POLN: variants seen among roughly 807,000 people sequenced by gnomAD.
The protein encoded by POLN is DNA polymerase nu.
Under a neutral mutation model 113.5 loss-of-function variants are expected in POLN, and 108 were observed. The ratio of observed to expected loss-of-function variants is 0.95; its 90% CI spans 0.81 to 1.12. POLN has a LOEUF of 1.12. Ranked by LOEUF, POLN falls within the 50% of genes most tolerant of loss-of-function variation. The pLI is 0.00. For synonymous variants in POLN, 386 were observed against 391.5 expected (o/e 0.99, Z 0.17); for missense variants, 1,097 against 1,077.1 (o/e 1.02, Z -0.26).
Position 2,095,867 on chromosome 4 carries a change from C to T in POLN, c.2049G>A (p.Ala683=), listed in dbSNP as rs140530058. 90 of 1,613,982 alleles carry T rather than the reference C, an allele frequency of 5.6e-5. No individual in the cohort carries two copies. Among genetic ancestry groups the T allele is most frequent in the South Asian group, 1.4e-4 (13 of 91,086 alleles). ...DREQTKKVVY[A]VVYGAGKERL... is the part of the protein sequence containing the mutation. ...GCAGCCTACCTGCTCCATAGACCAC[C>T]GCGTACACCACCTTCTTGGTTTGCT... The change falls in exon 20 of 26, where the codon GCG becomes GCA. Residue 683 remains alanine (A), a synonymous_variant. Coordinates refer to ENST00000511885, the MANE Select transcript of POLN (RefSeq NM_181808.4).
At chr4:2,118,611 G>C (rs1208128405) in intron 19 of POLN, among the ~76,000 whole-genome samples, 1 of 152,178 alleles carries the variant, frequency 6.6e-6, no homozygotes, top group East Asian at 1.9e-4. Flanking sequence ...CATTTACCAA[G>C]TGCCATCCTT....
intron 16 of POLN, among the ~76,000 whole-genome samples, chr4:2,143,061 T>C (rs754251394): frequency 2.6e-5 from 4 of 152,094 alleles, no homozygotes; most frequent in Middle Eastern, 3.2e-3. Context: ...TGTCAAAATG[T>C]ATGGGTTAAA....
At chr4:2,226,736 T>C (rs1734404191) in intron 3 of POLN, among the ~76,000 whole-genome samples, 2 of 152,210 alleles carry the variant, frequency 1.3e-5, no homozygotes, top group Admixed American at 1.3e-4. Flanking sequence ...TGACTTAGTG[T>C]TTGTAAAAGT....
chr4:2,178,020 C>T (rs1360524739), intron 8 of POLN, among the ~76,000 whole-genome samples: 1 of 152,238 alleles, frequency 6.6e-6, no homozygotes, highest in East Asian at 1.9e-4. Flanking sequence ...TCTGATAAAT[C>T]TCTTTTTATA....
At chr4:2,157,603 A>T (rs1293369445) in intron 15 of POLN, among the ~76,000 whole-genome samples, 2 of 151,724 alleles carry the variant, frequency 1.3e-5, no homozygotes, top group African/African-American at 4.8e-5. Context: ...GACACCTGTA[A>T]TCCCAGCTAC....
intron 16 of POLN, among the ~76,000 whole-genome samples, chr4:2,148,670 CCCA>C (rs796897343): frequency 0.054 from 3,359 of 62,716 alleles, 74 homozygotes; most frequent in Non-Finnish European, 0.13. Context: ...CTGTCCCCCC[CCCA>C]AAAAAAAAAA....
chr4:2,127,191 C>T lies in POLN; in HGVS notation c.1982+922G>A, dbSNP rs1001143127. Among the ~76,000 whole-genome samples, 1 of 151,398 alleles carries T rather than the reference C, an allele frequency of 6.6e-6. No homozygotes were observed. Among genetic ancestry groups the T allele is most frequent in the Non-Finnish European group, 1.5e-5 (1 of 67,818 alleles). ...GGGGCCGTAGGGGGAGCAGAAGAGG[C>T]CCAAGGTGATGGGGAGGTGGCACCT... On this transcript the variant is annotated intron_variant, in intron 19 of 25. Transcript: ENST00000511885. The surrounding 1 kb of genome is among the most constrained non-coding windows in gnomAD (Gnocchi z 4.7).
intron 19 of POLN, among the ~76,000 whole-genome samples, chr4:2,097,695 G>C (rs564158541): frequency 1.3e-5 from 2 of 152,178 alleles, no homozygotes; most frequent in East Asian, 3.9e-4. Context: ...TTTAGAGGTA[G>C]GGTCTTGCTT....
intron 15 of POLN, 119 bp from the exon 16 acceptor site, chr4:2,156,972 G>C: frequency 1.2e-6 from 1 of 805,258 alleles, no homozygotes; most frequent in Non-Finnish European, 2.1e-6. Context: ...CCAACAAGCT[G>C]CTGGCCCTAA....
chr4:2,128,114 A>C lies in POLN; in HGVS notation c.1981T>G (p.Trp661Gly). 1 of 1,568,174 alleles carries C rather than the reference A, an allele frequency of 6.4e-7. No homozygotes were observed. ...ATATTGTGAGTTCATATATCTTACC[A>C]CTGTGAAGTCAGAGTAGAAAATACA... is the stretch of plus-strand genomic sequence containing the variant. Reference protein sequence around the residue: ...DDVFSTLTSQWKDVPVEQVTH... With the variant: ...DDVFSTLTSQGKDVPVEQVTH... The change falls in exon 19 of 26, where the codon TGG (tryptophan) becomes GGG (glycine). Residue 661 changes from tryptophan to glycine, a missense_variant and splice_region_variant. Transcript: ENST00000511885.
At chr4:2,131,494 T>G (rs1328882442) in intron 16 of POLN, among the ~76,000 whole-genome samples, 1 of 152,206 alleles carries the variant, frequency 6.6e-6, no homozygotes, top group Non-Finnish European at 1.5e-5. Context: ...TTAGCAGATT[T>G]GAGAACAATT....
chr4:2,140,963 T>A (rs1383955955), intron 16 of POLN: 1 of 152,300 alleles, frequency 6.6e-6, no homozygotes, highest in African/African-American at 2.4e-5. Flanking sequence ...TTCATCCTTC[T>A]GTGAAGCTGC....
chr4:2,109,999 C>T (rs1731153395), intron 19 of POLN, among the ~76,000 whole-genome samples: 2 of 152,036 alleles, frequency 1.3e-5, no homozygotes, highest in South Asian at 4.1e-4. Context: ...GCATCTTACT[C>T]CTCAGCAAAT....
intron 7 of POLN, among the ~76,000 whole-genome samples, chr4:2,191,954 A>T (rs1733460828): frequency 6.6e-6 from 1 of 152,006 alleles, no homozygotes; most frequent in Admixed American, 6.6e-5. Context: ...CTCTACTAAA[A>T]ATACAAAAAT....
chr4:2,123,821 C>G (rs972147595), intron 19 of POLN, among the ~76,000 whole-genome samples: 1 of 151,274 alleles, frequency 6.6e-6, no homozygotes, highest in South Asian at 2.1e-4. Flanking sequence ...AAACCAAAAC[C>G]GAAGCCAAAA....
At chr4:2,108,772 C>T (rs1024551148) in intron 19 of POLN, among the ~76,000 whole-genome samples, 2 of 151,990 alleles carry the variant, frequency 1.3e-5, no homozygotes, top group Non-Finnish European at 2.9e-5. Context: ...CCAGACAGTG[C>T]CAGAAGTTTG....
chr4:2,107,953 C>G (rs904515883), intron 19 of POLN, among the ~76,000 whole-genome samples: 1 of 152,218 alleles, frequency 6.6e-6, no homozygotes, highest in Non-Finnish European at 1.5e-5. Context: ...CTGAGTGTCA[C>G]CTGATCCCAT....
At chr4:2,148,961 A>C (rs979459486) in intron 16 of POLN, among the ~76,000 whole-genome samples, 4 of 152,144 alleles carry the variant, frequency 2.6e-5, no homozygotes, top group Non-Finnish European at 4.4e-5. Flanking sequence ...ACCTCGCAAA[A>C]ATAACTTTCA....
At chr4:2,090,378 A>C in intron 20 of POLN, 1 of 677,506 alleles carries the variant, frequency 1.5e-6, no homozygotes, top group East Asian at 2.6e-5. Context: ...ATGAATAAAA[A>C]CGAGCTTGAT....
Sources: allele counts gnomAD v4.1 joint callset (sites outside exome capture counted in the v4.1 genomes callset), GRCh38; gene constraint gnomAD v4.1.1; non-coding constraint Gnocchi (gnomAD v3.1); transcripts MANE v1.5; gene names NCBI Gene and HGNC (gene_info 2026-07-23, HGNC 2026-07-21).